The following NOL7 variants were observed in gnomAD, a reference collection of about 807,000 sequenced individuals.
The protein encoded by NOL7 is nucleolar protein 7.
NOL7 carries 36 observed loss-of-function variants against 38.4 expected under a neutral mutation model. The observed-to-expected ratio is 0.94, with a 90% CI of 0.72 to 1.24. The LOEUF (loss-of-function observed/expected upper bound fraction) is 1.24. Ranked by LOEUF, NOL7 falls within the 50% of genes most tolerant of loss-of-function variation. The pLI is 0.00. For synonymous variants in NOL7, 142 were observed against 126.5 expected (o/e 1.12, Z -0.82); for missense variants, 350 against 315.1 (o/e 1.11, Z -0.84).
chr6:13,632,457 C>A, exon 9 of NOL7: 1 of 1,613,968 alleles, frequency 6.2e-7, no homozygotes, highest in South Asian at 1.1e-5. Context: ...CAAAGTGGAT[C>A]ATTCTTTCTA....
At chr6:13,621,815 CAT>C (rs1450277680), downstream of NOL7, 2 of 152,630 alleles carry the variant, frequency 1.3e-5, no homozygotes, top group Admixed American at 6.5e-5. Flanking sequence ...TAGCAACAAA[CAT>C]ATTCACTCAG....
At chr6:13,629,115 CTTT>C (rs147993403) in intron 8 of NOL7, among the ~76,000 whole-genome samples, 31,205 of 151,992 alleles carry the variant, frequency 0.21, 3,723 homozygotes, top group Admixed American at 0.27. Flanking sequence ...ATCATTGAGC[CTTT>C]TTGTTTTTTT....
chr6:13,626,574 C>T (rs530695946), downstream of NOL7, among the ~76,000 whole-genome samples: 12 of 152,244 alleles, frequency 7.9e-5, no homozygotes, highest in South Asian at 4.1e-4. Context: ...CAATAAATGA[C>T]GTCTTATTAT....
chr6:13,615,501 C>G lies in NOL7; in HGVS notation c.143C>G (p.Pro48Arg). The G allele has an allele frequency of 6.4e-7, 1 of 1,553,940 alleles. No individual in the cohort carries two copies. Among genetic ancestry groups the G allele is most frequent in the Non-Finnish European group, 8.7e-7 (1 of 1,148,602 alleles). ...CCCAGCAGCGGCGCGGCCGCCGAGCCCCTGGAGGAAGACGAGGAAGGGGAC... is the reference window on the plus strand; with the variant it reads ...CCCAGCAGCGGCGCGGCCGCCGAGCGCCTGGAGGAAGACGAGGAAGGGGAC... ...GQPSSGAAAEPLEEDEEGDDE... is the reference protein window; with the variant it reads ...GQPSSGAAAERLEEDEEGDDE... Residue 48 changes from proline (P) to arginine (R), a missense_variant, in exon 1 of 8, where the codon CCC (proline) becomes CGC (arginine). Physicochemically the swap from Pro to Arg is moderately radical, Grantham distance 103. Coordinates refer to ENST00000451315, the MANE Select transcript of NOL7 (RefSeq NM_016167.5).
chr6:13,627,984 T>C (rs1045823656), intron 8 of NOL7, among the ~76,000 whole-genome samples: 7 of 151,582 alleles, frequency 4.6e-5, no homozygotes, highest in Non-Finnish European at 8.8e-5. Flanking sequence ...GAAAAAAAAA[T>C]ACTACTACAC....
At chr6:13,625,182 T>C (rs1764567630), downstream of NOL7, among the ~76,000 whole-genome samples, 1 of 152,160 alleles carries the variant, frequency 6.6e-6, no homozygotes, top group Admixed American at 6.5e-5. Context: ...CAATTATTAA[T>C]CTATGTTCTT....
At chr6:13,629,041 A>G (rs1764702036) in intron 8 of NOL7, among the ~76,000 whole-genome samples, 1 of 152,248 alleles carries the variant, frequency 6.6e-6, no homozygotes, top group African/African-American at 2.4e-5. Context: ...TCTGACATAA[A>G]AGCAAATGGA....
intron 5 of NOL7, among the ~76,000 whole-genome samples, chr6:13,618,554 T>G (rs1764351416): frequency 1.3e-5 from 2 of 152,020 alleles, no homozygotes; most frequent in African/African-American, 4.8e-5. Context: ...GCCGGGAAAA[T>G]ATTTTAATTA....
At chr6:13,619,842 C>T (rs1764391074) in intron 5 of NOL7, among the ~76,000 whole-genome samples, 1 of 152,180 alleles carries the variant, frequency 6.6e-6, no homozygotes, top group South Asian at 2.1e-4. Context: ...CACTATGAGA[C>T]AAATGATAAA....
exon 9 of NOL7, chr6:13,632,425 C>CTCA (rs1764815318): frequency 6.2e-7 from 1 of 1,613,890 alleles, no homozygotes; most frequent in Non-Finnish European, 8.5e-7. Context: ...TAGCTGTTCA[C>CTCA]TCATTGCTTG....
downstream of NOL7, among the ~76,000 whole-genome samples, chr6:13,626,364 T>C (rs187062976): frequency 1.3e-5 from 2 of 152,360 alleles, no homozygotes; most frequent in African/African-American, 4.8e-5. Flanking sequence ...GTCTTCTTTC[T>C]ATGGGAGGCA....
At chr6:13,618,272 G>T (rs1186205617) in intron 5 of NOL7, 133 bp downstream of exon 5, 1 of 256,968 alleles carries the variant, frequency 3.9e-6, no homozygotes, top group African/African-American at 2.3e-5. Context: ...ACGGAGTCTC[G>T]CTCTGTCGCC....
intron 5 of NOL7, among the ~76,000 whole-genome samples, chr6:13,618,493 C>T (rs1034806556): frequency 2.0e-5 from 3 of 151,618 alleles, no homozygotes; most frequent in East Asian, 1.9e-4. Context: ...ATGATCCACC[C>T]GCCTCGGCCT....
intron 8 of NOL7, among the ~76,000 whole-genome samples, chr6:13,627,331 C>T (rs1196842434): frequency 6.6e-6 from 1 of 151,984 alleles, no homozygotes; most frequent in Non-Finnish European, 1.5e-5. Context: ...TCAAATCAAA[C>T]ACATTATTTT....
chr6:13,629,686 T>A (rs1001268248), intron 8 of NOL7, among the ~76,000 whole-genome samples: 2 of 152,130 alleles, frequency 1.3e-5, no homozygotes, highest in Non-Finnish European at 2.9e-5. Context: ...CTCTCCACAC[T>A]GCAAAAATTC....
rs780691592 is a variant in NOL7 at position 13,615,595 on chromosome 6, G to C, written c.237G>C (p.Glu79Asp). The change falls in exon 1 of 8, where the codon GAG becomes GAC. Residue 79 changes from glutamate (E) to aspartate (D), a missense_variant. Transcript: ENST00000451315. Reference protein sequence around the residue: ...FASAQAEAREEERRVRETVRR... With the variant: ...FASAQAEAREDERRVRETVRR... ...GCGCCCAGGCGGAAGCGAGAGAAGAGGAGCGGCGAGTGCGGGAGACCGTGC... is the reference window on the plus strand; with the variant it reads ...GCGCCCAGGCGGAAGCGAGAGAAGACGAGCGGCGAGTGCGGGAGACCGTGC... 25 of 1,585,092 alleles carry C rather than the reference G, an allele frequency of 1.6e-5. No individual in the cohort carries two copies. Among genetic ancestry groups the C allele is most frequent in the Non-Finnish European group, 2.1e-5 (24 of 1,164,282 alleles).
chr6:13,620,552 G>A lies in NOL7; in HGVS notation c.700+67G>A, dbSNP rs528276563. 2.7e-6 allele frequency: 4 copies of A among 1,456,154 alleles called. No homozygotes were observed. The African/African-American group carries it at 5.6e-5, about 20-fold the overall frequency. The allele number at this position is 1,456,154 out of a possible 1,614,324, so 90.2% of individuals were successfully genotyped here. A position where few individuals can be genotyped will look rare whatever the true frequency, so the allele number is the denominator to read the frequency against. ...TGTTGAATAATGTTCTTTTGAAGGA[G>A]ATAGTTCATAATTATACTTTTCCCC... On this transcript the variant is annotated intron_variant, in intron 7 of 7. Transcript: ENST00000451315.
At chr6:13,620,729 TACTG>T in intron 7 of NOL7, 21 bp from the exon 8 acceptor site, 1 of 1,462,722 alleles carries the variant, frequency 6.8e-7, no homozygotes, top group Non-Finnish European at 9.4e-7. Context: ...CTAATATACT[TACTG>T]CAGAAAACTT....
intron 7 of NOL7, 104 bp downstream of exon 7, chr6:13,620,589 TTATA>T: frequency 8.4e-7 from 1 of 1,190,220 alleles, no homozygotes; most frequent in East Asian, 2.5e-5. Context: ...TTATAATGGC[TTATA>T]TATTAAGTTA....
Sources: allele counts gnomAD v4.1 joint callset (sites outside exome capture counted in the v4.1 genomes callset), GRCh38; gene constraint gnomAD v4.1.1; transcripts MANE v1.5; gene names NCBI Gene and HGNC (gene_info 2026-07-23, HGNC 2026-07-21).